Variants in WWTR1 observed in about 807,000 individuals in gnomAD.
WWTR1 encodes WW domain-containing transcription regulator protein 1.
A neutral mutation model predicts 40.1 loss-of-function variants in WWTR1; 13 were observed. The observed-to-expected ratio is 0.32, with a 90% CI of 0.21 to 0.52. The LOEUF (loss-of-function observed/expected upper bound fraction) is 0.52, where lower values mean the gene tolerates loss of function less well. Ranked by LOEUF, WWTR1 falls within the 20% of genes least tolerant of loss-of-function variation. The probability of loss-of-function intolerance (pLI) is 0.97; values close to 1 mark genes in which losing one functional copy is unlikely to be tolerated. For synonymous variants in WWTR1, 230 were observed against 210.1 expected (o/e 1.09, Z -0.82); for missense variants, 436 against 523.1 (o/e 0.83, Z 1.63).
rs1737429008 is a variant in WWTR1 at position 149,568,264 on chromosome 3, T to A, written c.568+4600A>T. The stretch of plus-strand genomic sequence containing the variant: ...AGCTGGGTGTGGTGGCGGGCGCCTG[T>A]AATCCCAGCTACTCCAGAGGCTGAG... On this transcript the variant is annotated intron_variant, in intron 3 of 6. Transcript: ENST00000360632. 2.0e-5 allele frequency among the ~76,000 whole-genome samples: 3 copies of A among 147,162 alleles called. No individual in the cohort carries two copies. The South Asian group carries it at 6.2e-4, about 31-fold the overall frequency.
chr3:149,539,222 A>G (rs1295362440), intron 4 of WWTR1, among the ~76,000 whole-genome samples: 1 of 152,242 alleles, frequency 6.6e-6, no homozygotes, highest in Non-Finnish European at 1.5e-5. Context: ...GAACAGGAAG[A>G]AAAATGAAAC....
At chr3:149,576,826 G>A (rs780093563) in intron 2 of WWTR1, among the ~76,000 whole-genome samples, 8 of 151,676 alleles carry the variant, frequency 5.3e-5, no homozygotes, top group Non-Finnish European at 5.9e-5. Context: ...TTCACAACCA[G>A]TAAAAACAAA....
At chr3:149,688,327 GA>G (rs1349699605) in intron 1 of WWTR1, among the ~76,000 whole-genome samples, 2 of 152,112 alleles carry the variant, frequency 1.3e-5, no homozygotes, top group African/African-American at 4.8e-5. Context: ...CCTTGGGCGA[GA>G]CCCAGTACTT....
At chr3:149,697,093 T>A (rs1266673498) in intron 1 of WWTR1, among the ~76,000 whole-genome samples, 1 of 152,224 alleles carries the variant, frequency 6.6e-6, no homozygotes, top group African/African-American at 2.4e-5. Flanking sequence ...GATGTTTTAG[T>A]TTATTTTTAT....
chr3:149,660,452 G>A (rs956628115), upstream of WWTR1: 4 of 152,154 alleles, frequency 2.6e-5, no homozygotes, highest in African/African-American at 7.2e-5. Context: ...TGTATGAAAC[G>A]GAAATTGCCC....
At chr3:149,621,240 T>A (rs1318311903) in intron 2 of WWTR1, among the ~76,000 whole-genome samples, 1 of 152,248 alleles carries the variant, frequency 6.6e-6, no homozygotes, top group Non-Finnish European at 1.5e-5. Context: ...TTTTAAACTT[T>A]TCAAGTTTCT....
intron 2 of WWTR1, among the ~76,000 whole-genome samples, chr3:149,668,305 G>A (rs1382475217): frequency 2.0e-5 from 3 of 152,084 alleles, no homozygotes; most frequent in African/African-American, 7.2e-5. Context: ...CTGCCCTAAG[G>A]ATAGATTTTT....
At chr3:149,553,612 T>C (rs897711279) in intron 3 of WWTR1, among the ~76,000 whole-genome samples, 1 of 152,166 alleles carries the variant, frequency 6.6e-6, no homozygotes, top group Admixed American at 6.6e-5. Context: ...CATCAGCCAA[T>C]GGTAGACCTT....
At chr3:149,571,861 CT>C (rs1222245749) in intron 3 of WWTR1, among the ~76,000 whole-genome samples, 4 of 152,012 alleles carry the variant, frequency 2.6e-5, no homozygotes, top group Non-Finnish European at 5.9e-5. Flanking sequence ...AAAATTGGCC[CT>C]TTTTTATTTT....
chr3:149,562,600 GACACACACACAC>G lies in WWTR1; in HGVS notation c.568+10252_568+10263del, dbSNP rs60366789. On this transcript the variant is annotated intron_variant, in intron 3 of 6. Transcript: ENST00000360632. ...TTTTTTTTTTCTGCCTTAAAATACA[GACACACACACAC>G]ACACACACACACACACACACACACA... Among the ~76,000 whole-genome samples, 1,051 of 135,868 alleles carry G rather than the reference GACACACACACAC, an allele frequency of 7.7e-3. 4 individuals are homozygous for G. The highest frequency in any genetic ancestry group is 0.015 in the East Asian group (69 of 4,612). The allele number at this position is 135,868 out of a possible 152,430, so 89.1% of individuals were successfully genotyped here.
At chr3:149,656,245 G>A (rs1713197530) in intron 2 of WWTR1, among the ~76,000 whole-genome samples, 2 of 152,220 alleles carry the variant, frequency 1.3e-5, no homozygotes, top group East Asian at 1.9e-4. Context: ...AGGTTAACAA[G>A]TTTAATGTAA....
At chr3:149,588,524 G>A (rs1738541215) in intron 2 of WWTR1, among the ~76,000 whole-genome samples, 1 of 152,202 alleles carries the variant, frequency 6.6e-6, no homozygotes, top group Non-Finnish European at 1.5e-5. Flanking sequence ...GGTACAGTCA[G>A]ACAGTGGAAG....
chr3:149,520,932 T>C lies in WWTR1; in HGVS notation c.1076A>G (p.Asp359Gly). The C allele has an allele frequency of 1.2e-6, 2 of 1,613,418 alleles. No homozygotes were observed. Among genetic ancestry groups the C allele is most frequent in the Non-Finnish European group, 1.7e-6 (2 of 1,179,716 alleles). ...NINPQQTRFP[D>G]FLDCLPGTNV... ...TGTTCCTGGAAGACAGTCAAGGAAA[T>C]CAGGGAAACGGGTCTGTTGGGGATT... The change falls in exon 7 of 7, where the codon GAT (aspartate) becomes GGT (glycine). Residue 359 changes from aspartate to glycine, a missense_variant. By Grantham distance (94) the Asp-to-Gly change is moderately conservative (BLOSUM62 -1). Coordinates refer to ENST00000360632, the MANE Select transcript of WWTR1 (RefSeq NM_015472.6).
At chr3:149,612,546 C>T (rs1739784038) in intron 2 of WWTR1, among the ~76,000 whole-genome samples, 1 of 152,130 alleles carries the variant, frequency 6.6e-6, no homozygotes, top group African/African-American at 2.4e-5. Flanking sequence ...TTAAAAGCCC[C>T]TGTTGCCTGC....
intron 2 of WWTR1, among the ~76,000 whole-genome samples, chr3:149,610,044 T>C (rs969603870): frequency 3.3e-5 from 5 of 152,178 alleles, no homozygotes; most frequent in Admixed American, 3.3e-4. Flanking sequence ...AAGTAGCTAG[T>C]AGTGAGTTTA....
Position 149,657,088 on chromosome 3 carries a change from G to A in WWTR1, c.219C>T (p.His73=), listed in dbSNP as rs1353472159. 2 of 1,570,856 alleles carry A rather than the reference G, an allele frequency of 1.3e-6. No individual in the cohort carries two copies. The highest frequency in any genetic ancestry group is 3.7e-5 in the Admixed American group (2 of 54,124). ...RQSSTDSSGG[H]PGPRLAGGAQ... is the part of the protein sequence containing the mutation. ...CACCCCCAGCCAGTCGAGGCCCCGG[G>A]TGGCCGCCCGACGAGTCGGTGCTGG... The change falls in exon 2 of 7, where the codon CAC becomes CAT. Residue 73 remains histidine, a synonymous_variant. Coordinates refer to ENST00000360632, the MANE Select transcript of WWTR1 (RefSeq NM_015472.6).
chr3:149,649,299 A>G (rs1215074303), intron 2 of WWTR1, among the ~76,000 whole-genome samples: 1 of 152,096 alleles, frequency 6.6e-6, no homozygotes, highest in African/African-American at 2.4e-5. Flanking sequence ...GCCAAGTTCA[A>G]ATGATTTCTA....
chr3:149,659,528 G>A (rs1374082885), upstream of WWTR1: 1 of 151,752 alleles, frequency 6.6e-6, no homozygotes, highest in African/African-American at 2.4e-5. Context: ...CAAAAATGGG[G>A]TTTCACCATG....
At chr3:149,708,483 T>G (rs1199795794) in intron 5 of WWTR1, among the ~76,000 whole-genome samples, 1 of 152,180 alleles carries the variant, frequency 6.6e-6, no homozygotes, top group Non-Finnish European at 1.5e-5. Context: ...CAACCCCCAC[T>G]GCTGCCCTGC....
Sources: gnomAD v4.1 joint callset for allele counts (sites outside exome capture counted in the v4.1 genomes callset) on GRCh38, gnomAD v4.1.1 for gene constraint, MANE v1.5 for transcripts, NCBI Gene and HGNC (gene_info 2026-07-23, HGNC 2026-07-21) for gene names.